Variants in TMEM209 observed in about 807,000 individuals in gnomAD.
The protein encoded by TMEM209 is transmembrane protein 209, also known as testicular tissue protein Li 202.
A neutral mutation model predicts 76.2 loss-of-function variants in TMEM209; 65 were observed. That is an observed-to-expected ratio of 0.85 (90% CI 0.70 to 1.05). The LOEUF (loss-of-function observed/expected upper bound fraction) is 1.05, where lower values mean the gene tolerates loss of function less well. Among genes scored for constraint, TMEM209 ranks in the 50% least tolerant of loss-of-function variants. TMEM209 has a pLI of 0.00. For synonymous variants in TMEM209, 239 were observed against 237.6 expected, an observed-to-expected ratio of 1.01 and a Z score of -0.06; for missense variants, 623 against 685.5, an observed-to-expected ratio of 0.91 and a Z score of 1.02.
chr7:130,186,583 T>C (rs996072537), intron 6 of TMEM209, among the ~76,000 whole-genome samples: 2 of 152,214 alleles, frequency 1.3e-5, no homozygotes, highest in African/African-American at 4.8e-5. Context: ...ATTTGATTAA[T>C]CATTGCGATT....
chr7:130,185,477 A>G (rs1278177848), intron 6 of TMEM209, 110 bp from the exon 7 acceptor site: 2 of 903,240 alleles, frequency 2.2e-6, no homozygotes, highest in Non-Finnish European at 3.4e-6. Flanking sequence ...CCAACCCTCA[A>G]GGAGATTCTC....
intron 10 of TMEM209, 103 bp from the exon 11 acceptor site, chr7:130,175,712 C>A: frequency 1.1e-6 from 1 of 906,680 alleles, no homozygotes; most frequent in South Asian, 1.7e-5. Flanking sequence ...ATTTAAAAAA[C>A]TTGATCAAAA....
At chr7:130,181,806 A>C in intron 8 of TMEM209, 87 bp from the exon 9 acceptor site, 6 of 1,061,906 alleles carry the variant, frequency 5.7e-6, no homozygotes, top group Middle Eastern at 2.0e-4. Flanking sequence ...CAACTCTAAG[A>C]ATTTTTTTTA....
In TMEM209 at chr7:130,192,602, AT is replaced by A; in HGVS notation, c.775+19del. 4 of 1,605,284 alleles carry A rather than the reference AT, an allele frequency of 2.5e-6. No individual in the cohort carries two copies. Among genetic ancestry groups the A allele is most frequent in the Non-Finnish European group, 2.6e-6 (3 of 1,173,142 alleles). On this transcript the variant is annotated intron_variant, in intron 6 of 14. Coordinates refer to ENST00000397622, the MANE Select transcript of TMEM209 (RefSeq NM_032842.4). ...GACACCAAAAATATGTATAGTAGAT[AT>A]ACAGAAATATATATGTACCCAGCTT...
chr7:130,176,451 T>C (rs1797240297), intron 10 of TMEM209, among the ~76,000 whole-genome samples: 1 of 152,142 alleles, frequency 6.6e-6, no homozygotes, highest in Non-Finnish European at 1.5e-5. Flanking sequence ...TTTTGTATAT[T>C]TGATATAAAA....
At chr7:130,203,310 A>G (rs908147092) in intron 3 of TMEM209, among the ~76,000 whole-genome samples, 3 of 152,212 alleles carry the variant, frequency 2.0e-5, no homozygotes, top group East Asian at 1.9e-4. Flanking sequence ...AACTTGGCAC[A>G]CTATCTCCCT....
chr7:130,179,139 T>G (rs1309099747), intron 9 of TMEM209, among the ~76,000 whole-genome samples: 1 of 152,168 alleles, frequency 6.6e-6, no homozygotes, highest in Non-Finnish European at 1.5e-5. Context: ...AATGAAAGCT[T>G]AATGAAGGCA....
chr7:130,199,710 T>C (rs1438423800), intron 5 of TMEM209: 3 of 152,140 alleles, frequency 2.0e-5, no homozygotes, highest in Non-Finnish European at 4.4e-5. Context: ...AGAAAAAAAT[T>C]ATTTCTTTAA....
chr7:130,171,250 C>CATATTAAAT (rs1267923043), intron 13 of TMEM209, among the ~76,000 whole-genome samples: 6 of 152,122 alleles, frequency 3.9e-5, no homozygotes, highest in Non-Finnish European at 8.8e-5. Flanking sequence ...TATACTTTAG[C>CATATTAAAT]ATACAAATAA....
At chr7:130,199,245 G>C (rs1176109011) in intron 5 of TMEM209, among the ~76,000 whole-genome samples, 2 of 150,804 alleles carry the variant, frequency 1.3e-5, no homozygotes, top group Non-Finnish European at 2.9e-5. Flanking sequence ...TTGAGACAGA[G>C]TCTTGCTGTG....
rs1797027933 is a variant in TMEM209 at position 130,170,340 on chromosome 7, CTTAACATAGGA to C, written c.1631+49_1631+59del. 4.2e-6 allele frequency: 6 copies of C among 1,423,440 alleles called. No individual in the cohort carries two copies. The South Asian group carries it at 4.8e-5, about 11-fold the overall frequency. The allele number at this position is 1,423,440 out of a possible 1,614,324, so 88.2% of individuals were successfully genotyped here. On this transcript the variant is annotated intron_variant, in intron 14 of 14. Transcript: ENST00000397622. ...TACATGCTGCTGCCTTCTGCAGAAT[CTTAACATAGGA>C]AGAAAATCAGTAAATAACTACTTAC...
chr7:130,202,650 T>C lies in TMEM209; in HGVS notation c.213A>G (p.Ala71=), dbSNP rs551081423. The change falls in exon 4 of 15, where the codon GCA becomes GCG. Residue 71 remains alanine, a synonymous_variant. Coordinates refer to ENST00000397622, the MANE Select transcript of TMEM209 (RefSeq NM_032842.4). The stretch of plus-strand genomic sequence containing the variant: ...ATAAGGCATTAAGGCTGAAGAGAGA[T>C]GCAAGGGCAAGCTCTGGAAGAGAAC... ...WPLWYIELAL[A]SLFSLNALFD... 1.2e-6 allele frequency: 2 copies of C among 1,613,174 alleles called. No homozygotes were observed. The highest frequency in any genetic ancestry group is 1.3e-5 in the African/African-American group (1 of 75,012).
intron 7 of TMEM209, among the ~76,000 whole-genome samples, 190 bp downstream of exon 7, chr7:130,185,002 G>A: frequency 6.6e-6 from 1 of 152,296 alleles, no homozygotes; most frequent in East Asian, 1.9e-4. Context: ...AGAGTAAAAT[G>A]TATGATATAA....
chr7:130,187,174 C>G (rs190770236), intron 6 of TMEM209, among the ~76,000 whole-genome samples: 9 of 151,138 alleles, frequency 6.0e-5, no homozygotes, highest in African/African-American at 2.2e-4. Context: ...ACCCGGGAAG[C>G]GGAGGTTTCA....
At chr7:130,186,177 T>C (rs1584681437) in intron 6 of TMEM209, among the ~76,000 whole-genome samples, 1 of 152,228 alleles carries the variant, frequency 6.6e-6, no homozygotes, top group African/African-American at 2.4e-5. Context: ...AAAATATCAA[T>C]TGGTACTTTA....
intron 6 of TMEM209, among the ~76,000 whole-genome samples, chr7:130,188,820 C>T (rs554364281): frequency 4.7e-4 from 72 of 152,166 alleles, no homozygotes; most frequent in African/African-American, 1.6e-3. Context: ...CACGTATCTC[C>T]TGATGTGATA....
intron 5 of TMEM209, among the ~76,000 whole-genome samples, chr7:130,199,144 C>T (rs995862591): frequency 1.3e-5 from 2 of 152,164 alleles, no homozygotes; most frequent in Admixed American, 6.6e-5. Flanking sequence ...AATTCTTCCT[C>T]CTCTAAAGTT....
chr7:130,202,495 C>A, intron 4 of TMEM209, 37 bp downstream of exon 4: 1 of 1,568,032 alleles, frequency 6.4e-7, no homozygotes, highest in South Asian at 1.2e-5. Context: ...TATTGCCAAC[C>A]TTTTCCCCAC....
intron 10 of TMEM209, among the ~76,000 whole-genome samples, chr7:130,177,897 G>A (rs570041418): frequency 6.6e-6 from 1 of 152,244 alleles, no homozygotes; most frequent in East Asian, 1.9e-4. Context: ...TCTAAAACTT[G>A]TCTTAGTGAT....
Sources: allele counts gnomAD v4.1 joint callset (sites outside exome capture counted in the v4.1 genomes callset), GRCh38; gene constraint gnomAD v4.1.1; transcripts MANE v1.5; gene names NCBI Gene and HGNC (gene_info 2026-07-23, HGNC 2026-07-21).